The following MYH9 variants were observed in gnomAD, a reference collection of about 807,000 sequenced individuals.
MYH9 encodes myosin-9.
Under a neutral mutation model 241.9 loss-of-function variants are expected in MYH9, and 29 were observed. That is an observed-to-expected ratio of 0.12 (90% confidence interval 0.09 to 0.16). The LOEUF (loss-of-function observed/expected upper bound fraction) is 0.16, where lower values mean the gene tolerates loss of function less well. Among genes scored for constraint, MYH9 ranks in the 10% least tolerant of loss-of-function variants. The pLI is 1.00. For missense variants in MYH9, 1,803 were observed against 2,595.5 expected (o/e 0.69, Z 6.63); for synonymous variants, 1,047 against 1,062.6 (o/e 0.99, Z 0.29).
chr22:36,308,089 G>A (rs1368414325), intron 15 of MYH9, among the ~76,000 whole-genome samples: 1 of 151,924 alleles, frequency 6.6e-6, no homozygotes, highest in South Asian at 2.1e-4. Context: ...AGACCTTGCC[G>A]AGCAACTGTT....
At chr22:36,286,356 G>T (rs891793313) in intron 35 of MYH9, among the ~76,000 whole-genome samples, 7 of 152,100 alleles carry the variant, frequency 4.6e-5, no homozygotes, top group African/African-American at 1.7e-4. Context: ...ACATCACGCT[G>T]CAGGGCACCC....
intron 1 of MYH9, among the ~76,000 whole-genome samples, chr22:36,375,337 G>A (rs1265179361): frequency 6.6e-6 from 1 of 152,172 alleles, no homozygotes; most frequent in Non-Finnish European, 1.5e-5. Context: ...CTCTCCCTTA[G>A]GACCAACCAC....
Position 36,306,117 on chromosome 22 carries a change from G to A in MYH9, c.2038-66C>T. The A allele has an allele frequency of 6.2e-7, 1 of 1,602,500 alleles. No individual in the cohort carries two copies. The highest frequency in any genetic ancestry group is 8.5e-7 in the Non-Finnish European group (1 of 1,177,270). On this transcript the variant is annotated intron_variant, in intron 16 of 40. Transcript: ENST00000216181. The surrounding 1 kb of genome is among the most constrained non-coding windows in gnomAD (Gnocchi z 4.1). ...CTAGAACAGTCGGAGAATAGTCAGGGAACCCCTATGAACCTGACAGGGCAA... is the reference window on the plus strand; with the variant it reads ...CTAGAACAGTCGGAGAATAGTCAGGAAACCCCTATGAACCTGACAGGGCAA...
intron 1 of MYH9, among the ~76,000 whole-genome samples, chr22:36,366,589 T>C (rs5995288): frequency 0.62 from 93,640 of 151,906 alleles, 29,637 homozygotes; most frequent in Non-Finnish European, 0.68. Context: ...AGGTACAGGG[T>C]TTCCCGGGAA....
chr22:36,293,309 G>C lies in MYH9; in HGVS notation c.4095+20C>G. 6.2e-7 allele frequency: 1 copy of C among 1,613,300 alleles called. No individual in the cohort carries two copies. Among genetic ancestry groups the C allele is most frequent in the Non-Finnish European group, 8.5e-7 (1 of 1,179,646 alleles). On this transcript the variant is annotated intron_variant, in intron 30 of 40. Transcript: ENST00000216181. The surrounding 1 kb of genome is among the most constrained non-coding windows in gnomAD (Gnocchi z 5.1). Reference sequence around the variant, plus strand: ...GCTCCCCAGCCTGCAGAGTCCGGCCGGTCCCCCAGGCCTCCAAACCTGGGC... The same window carrying C: ...GCTCCCCAGCCTGCAGAGTCCGGCCCGTCCCCCAGGCCTCCAAACCTGGGC...
At position 36,339,892 on chromosome 22, in the gene MYH9, G is replaced by A. The variant is rs141597761; in HGVS notation, c.490+1478C>T. Among the ~76,000 whole-genome samples the A allele has an allele frequency of 3.4e-4, 51 of 152,214 alleles. No individual in the cohort carries two copies. In the East Asian group the frequency reaches 8.3e-3, roughly 25 times the overall value. On this transcript the variant is annotated intron_variant, in intron 3 of 40. Transcript: ENST00000216181. ...CTGTATCTAGGAGAGAAAAAGAAACGTGTAAACACTGCAGTCAAATAAAGC... is the reference window on the plus strand; with the variant it reads ...CTGTATCTAGGAGAGAAAAAGAAACATGTAAACACTGCAGTCAAATAAAGC...
Position 36,295,107 on chromosome 22 carries a change from C to A in MYH9, c.3486-31G>T. ...CAGAGAAATCCCCTCAGAGTGGAGG[C>A]CGGGGATGCTGGAGCGAGGCTGTCC... On this transcript the variant is annotated intron_variant, in intron 26 of 40. Transcript: ENST00000216181. The surrounding 1 kb of genome is among the most constrained non-coding windows in gnomAD (Gnocchi z 4.1). 6.2e-7 allele frequency: 1 copy of A among 1,613,996 alleles called. No homozygotes were observed. Among genetic ancestry groups the A allele is most frequent in the Non-Finnish European group, 8.5e-7 (1 of 1,180,008 alleles).
Position 36,300,048 on chromosome 22 carries a change from C to G in MYH9, c.2976+79G>C. The G allele has an allele frequency of 6.3e-7, 1 of 1,581,830 alleles. No homozygotes were observed. Among genetic ancestry groups the G allele is most frequent in the Non-Finnish European group, 8.6e-7 (1 of 1,163,428 alleles). On this transcript the variant is annotated intron_variant, in intron 23 of 40. Coordinates refer to ENST00000216181, the MANE Select transcript of MYH9 (RefSeq NM_002473.6). The surrounding 1 kb of genome is among the most constrained non-coding windows in gnomAD (Gnocchi z 5.0). ...GACAGGAAGCAGCAGCAGCGGGGAG[C>G]CAGGCCCTGCAAGGGTGACCACACT...
intron 1 of MYH9, among the ~76,000 whole-genome samples, chr22:36,384,859 C>A (rs145796277): frequency 2.0e-5 from 3 of 151,626 alleles, no homozygotes; most frequent in Non-Finnish European, 2.9e-5. Context: ...CTTTCCACTA[C>A]CCCACTCTTC....
In MYH9 at chr22:36,306,570, C is replaced by T. The variant is rs563928943; in HGVS notation, c.1881G>A (p.Met627Ile). 2 of 1,613,926 alleles carry T rather than the reference C, an allele frequency of 1.2e-6. No homozygotes were observed. The highest frequency in any genetic ancestry group is 1.1e-5 in the South Asian group (1 of 91,084). The change falls in exon 16 of 41, where the codon ATG becomes ATA. Residue 627 changes from methionine to isoleucine, a missense_variant. Physicochemically the swap from Met to Ile is conservative, Grantham distance 10 (BLOSUM62 1). Transcript: ENST00000216181. The surrounding 1 kb of genome is among the most constrained non-coding windows in gnomAD (Gnocchi z 4.1). ...AGGCCCCGGGCAGTGCGGTCTCCGA[C>T]ATGCCGGCCACCTGGTCCAGGCCGA... The part of the protein sequence containing the change: ...RIIGLDQVAG[M>I]SETALPGAFK...
At chr22:36,365,493 G>C (rs778409628) in intron 1 of MYH9, among the ~76,000 whole-genome samples, 4 of 151,828 alleles carry the variant, frequency 2.6e-5, no homozygotes, top group Non-Finnish European at 4.4e-5. Flanking sequence ...TTTTGAGACA[G>C]AGTCTCACCG....
intron 1 of MYH9, among the ~76,000 whole-genome samples, chr22:36,378,927 C>T (rs1448864976): frequency 6.6e-6 from 1 of 151,766 alleles, no homozygotes; most frequent in Non-Finnish European, 1.5e-5. Flanking sequence ...GGTTTTCTAC[C>T]GACTCACAGA....
chr22:36,353,521 C>T (rs564075444), intron 1 of MYH9, among the ~76,000 whole-genome samples: 6 of 151,906 alleles, frequency 3.9e-5, no homozygotes, highest in Admixed American at 6.5e-5. Context: ...CCACCACAGC[C>T]GGCTAATTTT....
intron 14 of MYH9, among the ~76,000 whole-genome samples, chr22:36,311,106 C>T (rs905372390): frequency 4.6e-5 from 7 of 152,194 alleles, no homozygotes; most frequent in African/African-American, 1.2e-4. Flanking sequence ...TAGTCACCAC[C>T]AACAAGGAGA....
rs117573719 is a variant in MYH9, at chr22:36,353,555, T to C, written c.-19-4300A>G. ...TTTGTATTTTTAGTAGAGATGGGGT[T>C]TTAGGTCAGGCTGGTCTTGAACTCT... On this transcript the variant is annotated intron_variant, in intron 1 of 40. Coordinates refer to ENST00000216181, the MANE Select transcript of MYH9 (RefSeq NM_002473.6). 9.5e-3 allele frequency among the ~76,000 whole-genome samples: 1,449 copies of C among 152,184 alleles called. 13 individuals are homozygous for C. The highest frequency in any genetic ancestry group is 0.058 in the South Asian group (279 of 4,806).
intron 18 of MYH9, 21 bp from the exon 19 acceptor site, chr22:36,304,176 G>A (rs554040859): frequency 7.4e-6 from 12 of 1,612,800 alleles, no homozygotes; most frequent in African/African-American, 6.7e-5. Flanking sequence ...GGAGCAGGCC[G>A]TTTACCTGGC....
At position 36,306,588 on chromosome 22, in the gene MYH9, C is replaced by T. The variant is rs745417371; in HGVS notation, c.1863G>A (p.Leu621=). ...LWKDVDRIIG[L]DQVAGMSETA... The stretch of plus-strand genomic sequence containing the variant: ...TCTCCGACATGCCGGCCACCTGGTC[C>T]AGGCCGATGATGCGGTCCACTGTGG... The change falls in exon 16 of 41, where the codon CTG becomes CTA. Residue 621 remains leucine (L), a synonymous_variant. Coordinates refer to ENST00000216181, the MANE Select transcript of MYH9 (RefSeq NM_002473.6). The surrounding 1 kb of genome is among the most constrained non-coding windows in gnomAD (Gnocchi z 4.1). The T allele has an allele frequency of 5.6e-6, 9 of 1,613,592 alleles. No individual in the cohort carries two copies.
At position 36,303,200 on chromosome 22, in the gene MYH9, G is replaced by A. The variant is rs925687567; in HGVS notation, c.2391-524C>T. ...CTCAAGCTTCGTCTCCCAGAGCTCG[G>A]CGCTCCTGCTAGGACCCCATCCCCG... On this transcript the variant is annotated intron_variant, in intron 19 of 40. Transcript: ENST00000216181. 2.6e-5 allele frequency among the ~76,000 whole-genome samples: 4 copies of A among 152,028 alleles called. No individual in the cohort carries two copies. In the East Asian group the frequency reaches 7.7e-4, roughly 29 times the overall value.
In MYH9 at chr22:36,288,674, G is replaced by T. The variant is rs1024998159; in HGVS notation, c.4770+53C>A. ...GTGGAAGGAGAGAACAGAAGCCTGC[G>T]TGAAGCCAAGGCAGCCTTGGGCACC... On this transcript the variant is annotated intron_variant, in intron 33 of 40. Transcript: ENST00000216181. The surrounding 1 kb of genome is among the most constrained non-coding windows in gnomAD (Gnocchi z 4.8). 1.1e-4 allele frequency: 168 copies of T among 1,590,068 alleles called. No individual in the cohort carries two copies. The highest frequency in any genetic ancestry group is 1.4e-4 in the Non-Finnish European group (160 of 1,171,780).
Sources: gnomAD v4.1 joint callset for allele counts (sites outside exome capture counted in the v4.1 genomes callset) on GRCh38, gnomAD v4.1.1 for gene constraint, Gnocchi (gnomAD v3.1) non-coding constraint, MANE v1.5 for transcripts, NCBI Gene and HGNC (gene_info 2026-07-23, HGNC 2026-07-21) for gene names.